Variants in SCN11A observed in about 807,000 individuals in gnomAD.
SCN11A encodes sodium voltage-gated channel alpha subunit 11, also known as sodium channel protein type 11 subunit alpha.
In SCN11A, 122 loss-of-function variants were observed where a neutral mutation model predicts 162.2. That is an observed-to-expected ratio of 0.75 (90% confidence interval 0.65 to 0.87). The LOEUF is 0.87. Ranked by LOEUF, SCN11A falls within the 40% of genes least tolerant of loss-of-function variation. The pLI is 0.00. For synonymous variants in SCN11A, 758 were observed against 751.5 expected (o/e 1.01, Z -0.14); for missense variants, 2,015 against 2,181.6 (o/e 0.92, Z 1.52).
Position 38,850,752 on chromosome 3 carries a change from C to T in SCN11A, c.4057-1G>A, listed in dbSNP as rs1575205608. ...CGAACACGAGACCTTGACATTTGTT[C>T]TGAGAAAAAAAAGAAATTATAAATC... On this transcript the variant is annotated splice_acceptor_variant, in intron 28 of 29. Coordinates refer to ENST00000302328, the MANE Select transcript of SCN11A (RefSeq NM_001349253.2). LOFTEE classifies it high-confidence loss of function. 6 of 1,567,934 alleles carry T rather than the reference C, an allele frequency of 3.8e-6. No homozygotes were observed. The highest frequency in any genetic ancestry group is 5.2e-6 in the Non-Finnish European group (6 of 1,159,666).
At chr3:38,878,715 T>C (rs1313102145) in intron 23 of SCN11A, among the ~76,000 whole-genome samples, 2 of 152,126 alleles carry the variant, frequency 1.3e-5, no homozygotes, top group African/African-American at 4.8e-5. Context: ...TCTGAGCCTC[T>C]GGTTTTCTTG....
intron 28 of SCN11A, among the ~76,000 whole-genome samples, chr3:38,854,033 C>G (rs1266009390): frequency 6.6e-6 from 1 of 151,964 alleles, no homozygotes; most frequent in Non-Finnish European, 1.5e-5. Context: ...ATCCAGTGAC[C>G]TATCTGTTAT....
chr3:38,925,570 CT>C (rs956233094), intron 8 of SCN11A, 61 bp from the exon 9 acceptor site: 2 of 1,199,732 alleles, frequency 1.7e-6, no homozygotes, highest in African/African-American at 3.0e-5. Context: ...CACTGCACAT[CT>C]CCACAAAAGC....
intron 3 of SCN11A, among the ~76,000 whole-genome samples, chr3:38,954,644 A>G (rs1005701626): frequency 6.6e-6 from 1 of 151,860 alleles, no homozygotes; most frequent in Non-Finnish European, 1.5e-5. Context: ...ACAAACAAAC[A>G]AACAAACAAA....
intron 14 of SCN11A, among the ~76,000 whole-genome samples, chr3:38,906,770 T>C (rs937332754): frequency 7.9e-5 from 12 of 152,288 alleles, no homozygotes; most frequent in South Asian, 2.1e-4. Flanking sequence ...CCCTCTCTTA[T>C]ATAAACCTTT....
chr3:38,918,997 A>G (rs573678697), intron 11 of SCN11A, among the ~76,000 whole-genome samples: 3 of 152,360 alleles, frequency 2.0e-5, no homozygotes, highest in Admixed American at 1.3e-4. Context: ...GGCATAGCCT[A>G]TTGTTCCTAG....
At chr3:38,948,781 G>C (rs779905616) in intron 5 of SCN11A, among the ~76,000 whole-genome samples, 4 of 147,420 alleles carry the variant, frequency 2.7e-5, no homozygotes, top group Non-Finnish European at 4.4e-5. Flanking sequence ...CTGTTCTCCC[G>C]GACTGTCAGC....
chr3:38,855,221 G>A (rs1232392728), intron 28 of SCN11A, among the ~76,000 whole-genome samples: 1 of 152,176 alleles, frequency 6.6e-6, no homozygotes, highest in Admixed American at 6.5e-5. Context: ...CAACTGTGTG[G>A]GAGCTGGGCG....
At chr3:38,918,378 A>G (rs1195508172) in intron 11 of SCN11A, among the ~76,000 whole-genome samples, 1 of 152,182 alleles carries the variant, frequency 6.6e-6, no homozygotes, top group Non-Finnish European at 1.5e-5. Flanking sequence ...ATTACACCTG[A>G]TCTCCACCTC....
chr3:38,960,920 GA>G (rs1400625559), intron 2 of SCN11A, among the ~76,000 whole-genome samples: 1 of 152,184 alleles, frequency 6.6e-6, no homozygotes, highest in Non-Finnish European at 1.5e-5. Context: ...TGGTCATCCA[GA>G]CAACTCTGCA....
chr3:38,989,787 T>A (rs1336972743), intron 2 of SCN11A, among the ~76,000 whole-genome samples: 1 of 152,200 alleles, frequency 6.6e-6, no homozygotes, highest in African/African-American at 2.4e-5. Context: ...TGTGTGAACA[T>A]GCTCTGGGAA....
At chr3:38,858,644 T>C (rs1559490459) in intron 28 of SCN11A, among the ~76,000 whole-genome samples, 1 of 152,082 alleles carries the variant, frequency 6.6e-6, no homozygotes, top group Non-Finnish European at 1.5e-5. Context: ...ACTTAAACTA[T>C]ACCCTAGAAC....
In SCN11A at chr3:38,904,107, G is replaced by A; in HGVS notation, c.1604-4C>T. On this transcript the variant is annotated splice_polypyrimidine_tract_variant and splice_region_variant and intron_variant, in intron 15 of 29. Transcript: ENST00000302328. Reference sequence around the variant, plus strand: ...GGCTCTTGTGATTTTTCTTGTTCTGGAGGAGAATGAGCGAGAGGTTGAGGA... The same window carrying A: ...GGCTCTTGTGATTTTTCTTGTTCTGAAGGAGAATGAGCGAGAGGTTGAGGA... The A allele has an allele frequency of 6.5e-7, 1 of 1,542,980 alleles. No individual in the cohort carries two copies. Among genetic ancestry groups the A allele is most frequent in the Non-Finnish European group, 8.7e-7 (1 of 1,145,142 alleles).
chr3:39,006,879 A>T (rs1247523632), intron 2 of SCN11A, among the ~76,000 whole-genome samples: 2 of 152,156 alleles, frequency 1.3e-5, no homozygotes, highest in African/African-American at 2.4e-5. Flanking sequence ...AAAAGAAAAA[A>T]TTTTTAATTC....
chr3:38,859,055 C>G (rs571464266), intron 28 of SCN11A, among the ~76,000 whole-genome samples: 4 of 151,872 alleles, frequency 2.6e-5, no homozygotes, highest in African/African-American at 9.7e-5. Flanking sequence ...GCATTAAATG[C>G]GTACATCATA....
At chr3:39,003,335 T>C (rs952013295) in intron 2 of SCN11A, among the ~76,000 whole-genome samples, 1 of 152,242 alleles carries the variant, frequency 6.6e-6, no homozygotes, top group African/African-American at 2.4e-5. Flanking sequence ...TCCAGCTCCA[T>C]CCACATTTCT....
At chr3:39,005,238 G>A (rs1245390702) in intron 2 of SCN11A, among the ~76,000 whole-genome samples, 2 of 152,142 alleles carry the variant, frequency 1.3e-5, no homozygotes, top group Non-Finnish European at 2.9e-5. Context: ...GCCTGGCGCC[G>A]GGCTGCCTGT....
intron 1 of SCN11A, among the ~76,000 whole-genome samples, chr3:39,042,979 A>T (rs1047709015): frequency 1.4e-5 from 2 of 138,972 alleles, no homozygotes; most frequent in South Asian, 2.2e-4. Flanking sequence ...AAAAAAAAAA[A>T]GAAAAAGAAA....
chr3:38,933,370 C>G (rs7642432), intron 7 of SCN11A, among the ~76,000 whole-genome samples: 6 of 152,164 alleles, frequency 3.9e-5, no homozygotes, highest in Non-Finnish European at 8.8e-5. Context: ...CAAAGCAGGA[C>G]GGAGAATGAC....
Sources: allele counts gnomAD v4.1 joint callset (sites outside exome capture counted in the v4.1 genomes callset), GRCh38; gene constraint gnomAD v4.1.1; transcripts MANE v1.5; gene names NCBI Gene and HGNC (gene_info 2026-07-23, HGNC 2026-07-21).